KATNIP: variants seen among roughly 807,000 people sequenced by gnomAD.
KATNIP encodes katanin interacting protein, also known as katanin-interacting protein.
Under a neutral mutation model 174.0 loss-of-function variants are expected in KATNIP, and 126 were observed. The ratio of observed to expected loss-of-function variants is 0.72; its 90% CI spans 0.63 to 0.84. The LOEUF is 0.84. KATNIP is among the 40% of genes least tolerant of loss of function. The probability of loss-of-function intolerance (pLI) is 0.00; values close to 1 mark genes in which losing one functional copy is unlikely to be tolerated. For synonymous variants in KATNIP, 810 were observed against 835.7 expected (o/e 0.97, Z 0.53); for missense variants, 1,958 against 2,109.7 (o/e 0.93, Z 1.41).
chr16:27,656,970 G>T (rs1431700467), intron 6 of KATNIP, among the ~76,000 whole-genome samples: 1 of 151,614 alleles, frequency 6.6e-6, no homozygotes, highest in African/African-American at 2.4e-5. Context: ...ACACAATAAA[G>T]GCAGTGTGAT....
intron 2 of KATNIP, among the ~76,000 whole-genome samples, chr16:27,614,845 C>T (rs909190396): frequency 6.6e-6 from 1 of 152,070 alleles, no homozygotes; most frequent in African/African-American, 2.4e-5. Flanking sequence ...CAGATGGCAA[C>T]AATCTGGGGC....
chr16:27,677,674 A>G lies in KATNIP; in HGVS notation c.541-55A>G. ...GGTTCAAATGATCTATTTTCAAATAAGTTTTTCTCAAGGTACCATATTTAT... is the reference window on the plus strand; with the variant it reads ...GGTTCAAATGATCTATTTTCAAATAGGTTTTTCTCAAGGTACCATATTTAT... On this transcript the variant is annotated intron_variant, in intron 6 of 27. Coordinates refer to ENST00000261588, the MANE Select transcript of KATNIP (RefSeq NM_015202.5). 4 of 1,511,516 alleles carry G rather than the reference A, an allele frequency of 2.6e-6. No individual in the cohort carries two copies. The South Asian group carries it at 3.8e-5, about 14-fold the overall frequency. The allele number at this position is 1,511,516 out of a possible 1,614,324, so 93.6% of individuals were successfully genotyped here.
intron 8 of KATNIP, among the ~76,000 whole-genome samples, chr16:27,684,844 A>T (rs1352686260): frequency 6.6e-6 from 1 of 152,170 alleles, no homozygotes; most frequent in Non-Finnish European, 1.5e-5. Flanking sequence ...TGAATGCCCA[A>T]CCTAATGACT....
chr16:27,580,945 T>C (rs768913603), intron 2 of KATNIP, among the ~76,000 whole-genome samples: 5 of 152,104 alleles, frequency 3.3e-5, no homozygotes, highest in Non-Finnish European at 5.9e-5. Flanking sequence ...TGTACAGAAC[T>C]CATTGAGGTG....
rs114021599 is a variant in KATNIP, at chr16:27,739,334, A to G, written c.1744-707A>G. 1.1e-3 allele frequency among the ~76,000 whole-genome samples: 169 copies of G among 152,302 alleles called. 2 individuals carry two copies. The highest frequency in any genetic ancestry group is 3.9e-3 in the African/African-American group (164 of 41,588). ...GATAGGTGAAGACTAGGGTTGGGGA[A>G]AGTGAGATCTTGGAGTGCCGCAGAG... is the stretch of plus-strand genomic sequence containing the variant. On this transcript the variant is annotated intron_variant, in intron 14 of 27. Coordinates refer to ENST00000261588, the MANE Select transcript of KATNIP (RefSeq NM_015202.5).
chr16:27,706,028 A>T (rs891439139), intron 12 of KATNIP, among the ~76,000 whole-genome samples: 3 of 152,190 alleles, frequency 2.0e-5, no homozygotes, highest in African/African-American at 7.2e-5. Flanking sequence ...ACTGACTTAT[A>T]CAACAAAGAG....
Position 27,763,635 on chromosome 16 carries a change from A to G in KATNIP, c.3809+2045A>G, listed in dbSNP as rs939483967. Among the ~76,000 whole-genome samples, 59 of 151,298 alleles carry G rather than the reference A, an allele frequency of 3.9e-4. No homozygotes were observed. In the South Asian group the frequency reaches 4.6e-3, roughly 12 times the overall value. On this transcript the variant is annotated intron_variant, in intron 19 of 27. Coordinates refer to ENST00000261588, the MANE Select transcript of KATNIP (RefSeq NM_015202.5). ...GTCTCAACACAAAAAAAAAAAAAAA[A>G]AAAGAAAGAAAGAAAAAGTTAACAA...
At chr16:27,744,516 C>T (rs1002330091) in intron 15 of KATNIP, among the ~76,000 whole-genome samples, 1 of 151,990 alleles carries the variant, frequency 6.6e-6, no homozygotes, top group Non-Finnish European at 1.5e-5. Flanking sequence ...GTCTGGAGTT[C>T]AAGGCTGCAG....
Position 27,657,616 on chromosome 16 carries a change from CA to C in KATNIP, c.540+8891del, listed in dbSNP as rs201172653. ...AAAAAACAAAACAAAACAAAACAAA[CA>C]AAAAAAAAACAAGGCCAGACGCAGT... On this transcript the variant is annotated intron_variant, in intron 6 of 27. Coordinates refer to ENST00000261588, the MANE Select transcript of KATNIP (RefSeq NM_015202.5). Among the ~76,000 whole-genome samples, 14 of 145,728 alleles carry C rather than the reference CA, an allele frequency of 9.6e-5. No individual in the cohort carries two copies. In the East Asian group the frequency reaches 2.0e-3, roughly 21 times the overall value.
chr16:27,616,758 G>A (rs1042225150), intron 2 of KATNIP, among the ~76,000 whole-genome samples: 4 of 150,894 alleles, frequency 2.7e-5, no homozygotes, highest in African/African-American at 9.7e-5. Flanking sequence ...AGAAATAAAA[G>A]GGTATATGGG....
intron 13 of KATNIP, among the ~76,000 whole-genome samples, chr16:27,712,781 C>T (rs1329885989): frequency 6.6e-6 from 1 of 152,096 alleles, no homozygotes; most frequent in African/African-American, 2.4e-5. Context: ...TCTTGGATCT[C>T]TCCTGGCCAT....
chr16:27,722,665 C>A (rs1420936783), intron 14 of KATNIP, among the ~76,000 whole-genome samples: 1 of 152,182 alleles, frequency 6.6e-6, no homozygotes, highest in Non-Finnish European at 1.5e-5. Flanking sequence ...TGGAGCCTCA[C>A]CTTCAGTCTT....
intron 5 of KATNIP, among the ~76,000 whole-genome samples, chr16:27,635,116 A>G (rs986987683): frequency 6.6e-6 from 1 of 152,188 alleles, no homozygotes; most frequent in Non-Finnish European, 1.5e-5. Flanking sequence ...TTAAGATCTG[A>G]AAAACATCTT....
chr16:27,599,241 C>T (rs139600452), intron 2 of KATNIP, among the ~76,000 whole-genome samples: 9 of 152,284 alleles, frequency 5.9e-5, no homozygotes, highest in African/African-American at 1.4e-4. Context: ...AACTGTGCCT[C>T]GAAGCCCTAA....
At chr16:27,710,694 G>T (rs2079537772) in intron 13 of KATNIP, among the ~76,000 whole-genome samples, 1 of 152,076 alleles carries the variant, frequency 6.6e-6, no homozygotes, top group Non-Finnish European at 1.5e-5. Flanking sequence ...TATAGAGACG[G>T]GGTCTCACTA....
chr16:27,572,495 T>C (rs536964414), intron 1 of KATNIP, among the ~76,000 whole-genome samples: 211 of 151,906 alleles, frequency 1.4e-3, no homozygotes, highest in Non-Finnish European at 2.6e-3. Flanking sequence ...TTGTGGCTGG[T>C]AGTAACTCAG....
intron 1 of KATNIP, among the ~76,000 whole-genome samples, chr16:27,571,046 G>GT (rs1243253344): frequency 2.6e-5 from 4 of 152,068 alleles, no homozygotes; most frequent in African/African-American, 7.2e-5. Flanking sequence ...TTGTTTGTTT[G>GT]TTTTGAGACA....
intron 8 of KATNIP, among the ~76,000 whole-genome samples, chr16:27,681,766 G>A (rs962276703): frequency 2.0e-5 from 3 of 152,216 alleles, no homozygotes; most frequent in Non-Finnish European, 2.9e-5. Context: ...GAGCGAGTGC[G>A]CTGTGCAGGA....
At chr16:27,694,744 C>T (rs1006736208) in intron 8 of KATNIP, among the ~76,000 whole-genome samples, 27 of 152,072 alleles carry the variant, frequency 1.8e-4, no homozygotes, top group African/African-American at 6.0e-4. Flanking sequence ...TGCAGTGAGC[C>T]GAGATTGTGC....
Sources: gnomAD v4.1 joint callset for allele counts (sites outside exome capture counted in the v4.1 genomes callset) on GRCh38, gnomAD v4.1.1 for gene constraint, MANE v1.5 for transcripts, NCBI Gene and HGNC (gene_info 2026-07-23, HGNC 2026-07-21) for gene names.